The following SLFN13 variants were observed in gnomAD, a reference collection of about 807,000 sequenced individuals.
The protein encoded by SLFN13 is schlafen family member 13, also known as schlafen-13.
SLFN13 carries 43 observed loss-of-function variants against 50.6 expected under a neutral mutation model. The observed-to-expected ratio is 0.85, with a 90% CI of 0.67 to 1.09. The LOEUF (loss-of-function observed/expected upper bound fraction) is 1.09, where lower values mean the gene tolerates loss of function less well. Among genes scored for constraint, SLFN13 ranks in the 50% least tolerant of loss-of-function variants. SLFN13 has a pLI of 0.00. For missense variants in SLFN13, 881 were observed against 1,071.1 expected (o/e 0.82, Z 2.48); for synonymous variants, 339 against 386.5 (o/e 0.88, Z 1.44).
At chr17:35,443,582 T>C (rs6505472) in intron 4 of SLFN13, among the ~76,000 whole-genome samples, 45,689 of 151,918 alleles carry the variant, frequency 0.3, 8,577 homozygotes, top group East Asian at 0.63. Flanking sequence ...TTAACTACCT[T>C]CCATGGCATT....
chr17:35,440,699 T>G lies in SLFN13; in HGVS notation c.2590A>C (p.Ile864Leu). 2 of 1,614,164 alleles carry G rather than the reference T, an allele frequency of 1.2e-6. No individual in the cohort carries two copies. Among genetic ancestry groups the G allele is most frequent in the Non-Finnish European group, 1.7e-6 (2 of 1,180,022 alleles). Residue 864 changes from isoleucine to leucine, a missense_variant, in exon 6 of 6, where the codon ATA becomes CTA. Ile to Leu is a conservative substitution (Grantham distance 5). This residue lies in a region of SLFN13 where 322 missense variants were observed against 327.4 expected (regional missense o/e 0.98). Transcript: ENST00000285013. ...GTCCTTGGATGGATCCCAAACACTATGCTCCTTTCCAGGCCTGAGAATCGC... is the reference window on the plus strand; with the variant it reads ...GTCCTTGGATGGATCCCAAACACTAGGCTCCTTTCCAGGCCTGAGAATCGC... The part of the protein sequence containing the change: ...VRRFSGLERS[I>L]VFGIHPRTAD...
chr17:35,446,991 C>T (rs1913244467), intron 2 of SLFN13: 1 of 152,042 alleles, frequency 6.6e-6, no homozygotes, highest in Non-Finnish European at 1.5e-5. Context: ...TCTCTTTACC[C>T]CCATGAACTT....
chr17:35,441,222 C>G lies in SLFN13; in HGVS notation c.2067G>C (p.Gln689His). The change falls in exon 6 of 6, where the codon CAG becomes CAC. Residue 689 changes from glutamine to histidine, a missense_variant. Transcript: ENST00000285013. ...DWYRKAKTIT[Q>H]REKDCPGVLW... ...GAACTCCTGGACAATCCTTTTCTCT[C>G]TGAGTGATGGTTTTTGCCTTCCTAT... is the stretch of plus-strand genomic sequence containing the variant. The G allele has an allele frequency of 6.2e-7, 1 of 1,614,102 alleles. No individual in the cohort carries two copies. Among genetic ancestry groups the G allele is most frequent in the South Asian group, 1.1e-5 (1 of 91,090 alleles).
At position 35,444,810 on chromosome 17, in the gene SLFN13, G is replaced by T. The variant is rs114590820; in HGVS notation, c.871C>A (p.Arg291=). The part of the protein sequence containing the change: ...PIVHFCSSKP[R]VEYSTKIVEV... ...ACGATTTTGGTGCTGTACTCTACCCGAGGTTTTGAAGAGCAAAAATGAACA... is the reference window on the plus strand; with the variant it reads ...ACGATTTTGGTGCTGTACTCTACCCTAGGTTTTGAAGAGCAAAAATGAACA... The change falls in exon 3 of 6, where the codon CGG becomes AGG. Residue 291 remains arginine, a synonymous_variant. Coordinates refer to ENST00000285013, the MANE Select transcript of SLFN13 (RefSeq NM_144682.6). 392 of 1,614,132 alleles carry T rather than the reference G, an allele frequency of 2.4e-4. No individual in the cohort carries two copies. The African/African-American group carries it at 4.9e-3, about 20-fold the overall frequency.
intron 1 of SLFN13, among the ~76,000 whole-genome samples, chr17:35,447,718 T>A (rs560833302): frequency 7.2e-5 from 11 of 152,256 alleles, no homozygotes; most frequent in Admixed American, 2.0e-4. Context: ...CTTGGGAAAA[T>A]AAAACACAGA....
chr17:35,440,644 A>G lies in SLFN13; in HGVS notation c.2645T>C (p.Leu882Pro). 1.2e-6 allele frequency: 2 copies of G among 1,614,182 alleles called. No homozygotes were observed. Among genetic ancestry groups the G allele is most frequent in the Non-Finnish European group, 1.7e-6 (2 of 1,180,030 alleles). ...TADPAILPNILICLASRAKQH... is the reference protein window; with the variant it reads ...TADPAILPNIPICLASRAKQH... ...TTTTGCCCTGGAAGCCAGACAGATC[A>G]GAATATTGGGTAAGATAGCTGGGTC... The change falls in exon 6 of 6, where the codon CTG (leucine) becomes CCG (proline). Residue 882 changes from leucine to proline, a missense_variant. Leu to Pro is a moderately conservative substitution (Grantham distance 98, BLOSUM62 -3). Around this residue, in one of 5 missense-constraint regions of SLFN13, gnomAD observed 322 missense variants for 327.4 expected, o/e 0.98. Coordinates refer to ENST00000285013, the MANE Select transcript of SLFN13 (RefSeq NM_144682.6).
rs764498740 is a variant in SLFN13 at position 35,444,742 on chromosome 17, C to T, written c.939G>A (p.Val313=). Residue 313 remains valine, a synonymous_variant, in exon 3 of 6, where the codon GTG becomes GTA. Transcript: ENST00000285013. ...CACAACAGAATGCCTTCACTTTAAT[C>T]ACACAGAGATAGCCATACAACTCTT... is the stretch of plus-strand genomic sequence containing the variant. ...CGKELYGYLC[V]IKVKAFCCVV... is the part of the protein sequence containing the mutation. The T allele has an allele frequency of 6.2e-7, 1 of 1,614,186 alleles. No individual in the cohort carries two copies. The highest frequency in any genetic ancestry group is 1.7e-5 in the Admixed American group (1 of 60,018).
Position 35,445,244 on chromosome 17 carries a change from T to C in SLFN13, c.437A>G (p.Asn146Ser), listed in dbSNP as rs1913143297. 7 of 1,614,026 alleles carry C rather than the reference T, an allele frequency of 4.3e-6. No homozygotes were observed. The highest frequency in any genetic ancestry group is 5.9e-6 in the Non-Finnish European group (7 of 1,180,016). Reference sequence around the variant, plus strand: ...CAGGAAATCGAATGCCTGTCTTGAATTCATGTGAAGCACAGAGGTGCCAGA... The same window carrying C: ...CAGGAAATCGAATGCCTGTCTTGAACTCATGTGAAGCACAGAGGTGCCAGA... ...CRSGTSVLHMNSRQAFDFLKT... is the reference protein window; with the variant it reads ...CRSGTSVLHMSSRQAFDFLKT... The change falls in exon 3 of 6, where the codon AAT becomes AGT. Residue 146 changes from asparagine (N) to serine (S), a missense_variant. Physicochemically the swap from Asn to Ser is conservative, Grantham distance 46. This residue lies in a region of SLFN13 where 497 missense variants were observed against 518.3 expected (regional missense o/e 0.96). Coordinates refer to ENST00000285013, the MANE Select transcript of SLFN13 (RefSeq NM_144682.6).
Position 35,435,937 on chromosome 17 carries a change from T to A in SLFN13, c.*4658A>T, listed in dbSNP as rs536916349. 6.6e-6 allele frequency: 1 copy of A among 152,226 alleles called. No individual in the cohort carries two copies. Among genetic ancestry groups the A allele is most frequent in the African/African-American group, 2.4e-5 (1 of 41,556 alleles). The allele number at this position is 152,226 out of a possible 1,614,324, so 9.4% of individuals were successfully genotyped here. On this transcript the variant is annotated 3_prime_UTR_variant, in exon 6 of 6. Transcript: ENST00000285013. The stretch of plus-strand genomic sequence containing the variant: ...CCACCTCACTGGGCCTGATGATTGA[T>A]TTTTTAACGCCAAAATCAACGTTGA...
chr17:35,444,600 C>T lies in SLFN13; in HGVS notation c.1066+15G>A, dbSNP rs776747900. ...GGTAGAAAGGTCAGGAAGGGAGAAT[C>T]TGGTTCCCTCTTACCTGGATCTGCG... On this transcript the variant is annotated intron_variant, in intron 3 of 5. Transcript: ENST00000285013. 2 of 1,606,368 alleles carry T rather than the reference C, an allele frequency of 1.2e-6. No homozygotes were observed. The highest frequency in any genetic ancestry group is 2.2e-5 in the East Asian group (1 of 44,782).
rs2142062900 is a variant in SLFN13, at chr17:35,436,042, T to C, written c.*4553A>G. ...GGATTTTGTTTGCTAAAATTTTGTT[T>C]AGAATTTTTCATGTAGATATTTGAG... On this transcript the variant is annotated 3_prime_UTR_variant, in exon 6 of 6. Transcript: ENST00000285013. The C allele has an allele frequency of 6.6e-6, 1 of 152,320 alleles. No individual in the cohort carries two copies. The highest frequency in any genetic ancestry group is 2.1e-4 in the South Asian group (1 of 4,834). 9.4% of individuals were successfully genotyped at this position (152,320 alleles called of 1,614,324 possible).
Position 35,437,130 on chromosome 17 carries a change from T to C in SLFN13, c.*3465A>G, listed in dbSNP as rs560064758. ...AGGCGAGAGAAGGCCATCAGGATCA[T>C]CTGTGGTCAAAGGACTCTGGGCACA... On this transcript the variant is annotated 3_prime_UTR_variant, in exon 6 of 6. Coordinates refer to ENST00000285013, the MANE Select transcript of SLFN13 (RefSeq NM_144682.6). 6.6e-6 allele frequency: 1 copy of C among 152,238 alleles called. No homozygotes were observed. The highest frequency in any genetic ancestry group is 2.4e-5 in the African/African-American group (1 of 41,566). 9.4% of individuals were successfully genotyped at this position (152,238 alleles called of 1,614,324 possible).
In SLFN13 at chr17:35,439,911, T is replaced by C. The variant is rs1912768228; in HGVS notation, c.*684A>G. On this transcript the variant is annotated 3_prime_UTR_variant, in exon 6 of 6. Coordinates refer to ENST00000285013, the MANE Select transcript of SLFN13 (RefSeq NM_144682.6). ...CAGCATTTTCTCTTGGCCTATAATT[T>C]CTCTGTAAAGGTACCATTAATGTTC... 6.6e-6 allele frequency: 1 copy of C among 152,166 alleles called. No individual in the cohort carries two copies. Among genetic ancestry groups the C allele is most frequent in the Non-Finnish European group, 1.5e-5 (1 of 68,030 alleles). 9.4% of individuals were successfully genotyped at this position (152,166 alleles called of 1,614,324 possible).
At chr17:35,444,063 A>G (rs1913064581) in intron 3 of SLFN13, 143 bp from the exon 4 acceptor site, 2 of 697,472 alleles carry the variant, frequency 2.9e-6, no homozygotes, top group Non-Finnish European at 4.3e-6. Context: ...TCTTGACTCT[A>G]TGTCCAGGTT....
chr17:35,445,104 A>G lies in SLFN13; in HGVS notation c.577T>C (p.Phe193Leu), dbSNP rs767022921. 6.2e-7 allele frequency: 1 copy of G among 1,613,614 alleles called. No homozygotes were observed. The highest frequency in any genetic ancestry group is 8.5e-7 in the Non-Finnish European group (1 of 1,180,030). The change falls in exon 3 of 6, where the codon TTC becomes CTC. Residue 193 changes from phenylalanine to leucine, a missense_variant. Phe to Leu is a conservative substitution (Grantham distance 22). Around this residue, in one of 5 missense-constraint regions of SLFN13, gnomAD observed 497 missense variants for 518.3 expected, o/e 0.96. Coordinates refer to ENST00000285013, the MANE Select transcript of SLFN13 (RefSeq NM_144682.6). ...ISESNPAYEV[F>L]QTDTIEYGEI... Reference sequence around the variant, plus strand: ...CCATATTCAATAGTGTCAGTTTGGAAAACTTCATATGCAGGATTTGACTCA... The same window carrying G: ...CCATATTCAATAGTGTCAGTTTGGAGAACTTCATATGCAGGATTTGACTCA...
chr17:35,440,264 C>A lies in SLFN13; in HGVS notation c.*331G>T. The A allele has an allele frequency of 3.9e-6, 1 of 254,862 alleles. No homozygotes were observed. The highest frequency in any genetic ancestry group is 7.5e-6 in the Non-Finnish European group (1 of 134,082). 15.8% of individuals were successfully genotyped at this position (254,862 alleles called of 1,614,324 possible). ...CCAGCCTTGGAAGAAAGGCCACAGG[C>A]TGAGTTTCTTATTTTTATGGCTTTT... is the stretch of plus-strand genomic sequence containing the variant. On this transcript the variant is annotated 3_prime_UTR_variant, in exon 6 of 6. Coordinates refer to ENST00000285013, the MANE Select transcript of SLFN13 (RefSeq NM_144682.6).
At chr17:35,442,892 C>T (rs1298203679) in intron 4 of SLFN13, among the ~76,000 whole-genome samples, 1 of 152,190 alleles carries the variant, frequency 6.6e-6, no homozygotes, top group Non-Finnish European at 1.5e-5. Flanking sequence ...ATTACTCTTG[C>T]ACCTTGGATT....
intron 1 of SLFN13, among the ~76,000 whole-genome samples, chr17:35,448,055 T>G (rs928504794): frequency 6.7e-6 from 1 of 150,176 alleles, no homozygotes; most frequent in African/African-American, 2.4e-5. Flanking sequence ...TTATTATTAT[T>G]ATTATTATTC....
Position 35,440,700 on chromosome 17 carries a change from G to C in SLFN13, c.2589C>G (p.Ser863Arg), listed in dbSNP as rs1365743564. ...TCCTTGGATGGATCCCAAACACTAT[G>C]CTCCTTTCCAGGCCTGAGAATCGCC... ...SVRRFSGLERSIVFGIHPRTA... is the reference protein window; with the variant it reads ...SVRRFSGLERRIVFGIHPRTA... The change falls in exon 6 of 6, where the codon AGC becomes AGG. Residue 863 changes from serine to arginine, a missense_variant. By Grantham distance (110) the Ser-to-Arg change is moderately radical (BLOSUM62 -1). Transcript: ENST00000285013. 1.2e-6 allele frequency: 2 copies of C among 1,614,022 alleles called. No homozygotes were observed. The highest frequency in any genetic ancestry group is 1.7e-6 in the Non-Finnish European group (2 of 1,180,030).
Sources: gnomAD v4.1 joint callset for allele counts (sites outside exome capture counted in the v4.1 genomes callset) on GRCh38, gnomAD v4.1.1 for gene constraint, gnomAD v4.1.1 regional missense constraint, MANE v1.5 for transcripts, NCBI Gene and HGNC (gene_info 2026-07-23, HGNC 2026-07-21) for gene names.